LINGO2: variants seen among roughly 807,000 people sequenced by gnomAD.
LINGO2 encodes leucine rich repeat and Ig domain containing 2.
A neutral mutation model predicts 30.6 loss-of-function variants in LINGO2; 14 were observed. The ratio of observed to expected loss-of-function variants is 0.46; its 90% CI spans 0.30 to 0.72. LINGO2 has a LOEUF of 0.72. Among genes scored for constraint, LINGO2 ranks in the 30% least tolerant of loss-of-function variants. The pLI is 0.07. For synonymous variants in LINGO2, 317 were observed against 288.5 expected (o/e 1.10, Z -1.00); for missense variants, 729 against 751.7 (o/e 0.97, Z 0.35).
chr9:28,600,766 C>G (rs1405675764), intron 1 of LINGO2, among the ~76,000 whole-genome samples: 1 of 151,990 alleles, frequency 6.6e-6, no homozygotes, highest in Non-Finnish European at 1.5e-5. Context: ...GCCTTTTGAA[C>G]TGCATAGAGG....
the LINGO2 span, among the ~76,000 whole-genome samples, chr9:28,693,682 G>T: frequency 6.6e-6 from 1 of 152,064 alleles, no homozygotes; most frequent in South Asian, 2.1e-4. Context: ...TCAAAGTACA[G>T]CTCTGAAATG....
chr9:28,640,219 G>C lies in LINGO2; in HGVS notation c.-365+29981C>G, dbSNP rs562880021. The stretch of plus-strand genomic sequence containing the variant: ...TTAGTCTGATGGACTTTCCTTTGTG[G>C]GTAACCCGACCTTTCTCTGTGGCTG... On this transcript the variant is annotated intron_variant, in intron 1 of 5. Transcript: ENST00000379992. Among the ~76,000 whole-genome samples, 57 of 152,026 alleles carry C rather than the reference G, an allele frequency of 3.7e-4. No homozygotes were observed. In the Middle Eastern group the frequency reaches 0.01, roughly 27 times the overall value.
chr9:28,883,092 T>TA, the LINGO2 span, among the ~76,000 whole-genome samples: 1 of 152,206 alleles, frequency 6.6e-6, no homozygotes, highest in African/African-American at 2.4e-5. Flanking sequence ...CACAAGATTA[T>TA]AGATGATTTG....
chr9:28,078,789 A>C (rs913610395), intron 4 of LINGO2, among the ~76,000 whole-genome samples: 1 of 147,980 alleles, frequency 6.8e-6, no homozygotes, highest in Non-Finnish European at 1.5e-5. Context: ...CAGAGGTGGC[A>C]GTGAGCCAAG....
chr9:29,082,995 C>G, the LINGO2 span, among the ~76,000 whole-genome samples: 1 of 152,236 alleles, frequency 6.6e-6, no homozygotes, highest in Admixed American at 6.5e-5. Flanking sequence ...GGACTGTAAA[C>G]TGGTTCAACC....
At chr9:28,968,500 T>A in the LINGO2 span, among the ~76,000 whole-genome samples, 1 of 152,174 alleles carries the variant, frequency 6.6e-6, no homozygotes, top group African/African-American at 2.4e-5. Context: ...ACTTACAATA[T>A]TAGAAGCTAC....
At chr9:28,989,597 T>C in the LINGO2 span, among the ~76,000 whole-genome samples, 2 of 152,176 alleles carry the variant, frequency 1.3e-5, no homozygotes, top group East Asian at 3.8e-4. Flanking sequence ...TGTTACAGAC[T>C]CACCCACTGC....
chr9:28,924,407 G>A, the LINGO2 span, among the ~76,000 whole-genome samples: 1 of 152,118 alleles, frequency 6.6e-6, no homozygotes, highest in South Asian at 2.1e-4. Context: ...TTTTTGTAGA[G>A]ACAGGATTTC....
chr9:28,719,400 C>T, the LINGO2 span, among the ~76,000 whole-genome samples: 2 of 151,970 alleles, frequency 1.3e-5, no homozygotes, highest in Admixed American at 6.6e-5. Context: ...TTCCCATTCA[C>T]TCCTCACACT....
chr9:29,207,534 T>G, the LINGO2 span, among the ~76,000 whole-genome samples: 1 of 152,154 alleles, frequency 6.6e-6, no homozygotes, highest in Admixed American at 6.5e-5. Flanking sequence ...TTGCACATAT[T>G]TCTGTTACAC....
chr9:29,128,392 C>A, the LINGO2 span, among the ~76,000 whole-genome samples: 1 of 152,140 alleles, frequency 6.6e-6, no homozygotes, highest in Non-Finnish European at 1.5e-5. Context: ...CATCCTCAAC[C>A]ACTGGAATCA....
At chr9:29,150,251 G>A in the LINGO2 span, among the ~76,000 whole-genome samples, 1 of 152,140 alleles carries the variant, frequency 6.6e-6, no homozygotes, top group Non-Finnish European at 1.5e-5. Flanking sequence ...CCCTCCGAAA[G>A]TACCCAGAAA....
the LINGO2 span, among the ~76,000 whole-genome samples, chr9:28,827,288 T>C: frequency 5.9e-5 from 9 of 152,318 alleles, no homozygotes; most frequent in Non-Finnish European, 1.2e-4. Context: ...ATTTTTGAGA[T>C]GGCTCTAATT....
chr9:29,166,919 G>A, the LINGO2 span, among the ~76,000 whole-genome samples: 1 of 152,046 alleles, frequency 6.6e-6, no homozygotes, highest in African/African-American at 2.4e-5. Context: ...AGCAGGCAGA[G>A]AGAATTCCCA....
intron 1 of LINGO2, among the ~76,000 whole-genome samples, chr9:28,632,734 A>C (rs891875422): frequency 1.5e-5 from 2 of 135,534 alleles, no homozygotes; most frequent in African/African-American, 5.6e-5. Flanking sequence ...ATATAGATCT[A>C]TATATTTATA....
At chr9:28,840,201 C>T in the LINGO2 span, among the ~76,000 whole-genome samples, 6 of 151,814 alleles carry the variant, frequency 4.0e-5, no homozygotes, top group Non-Finnish European at 8.8e-5. Context: ...TGGCTGCACC[C>T]AGGACGGTGG....
chr9:28,237,492 CAA>C lies in LINGO2; in HGVS notation c.-87+57714_-87+57715del, dbSNP rs1564065971. On this transcript the variant is annotated intron_variant, in intron 4 of 5. Coordinates refer to ENST00000379992, the Ensembl canonical transcript of LINGO2. ...ATGTAAAGAAACCAAACTCTCCAAT[CAA>C]AAAAGATAGATTGGCTGAATGGATT... 7.9e-5 allele frequency among the ~76,000 whole-genome samples: 12 copies of C among 152,108 alleles called. 1 individual carries two copies. In the South Asian group the frequency reaches 2.5e-3, roughly 32 times the overall value.
At chr9:29,185,415 C>T in the LINGO2 span, among the ~76,000 whole-genome samples, 1 of 152,086 alleles carries the variant, frequency 6.6e-6, no homozygotes, top group African/African-American at 2.4e-5. Flanking sequence ...ATTCCATCTG[C>T]CACATATGCC....
intron 4 of LINGO2, among the ~76,000 whole-genome samples, chr9:28,061,199 T>C (rs962099890): frequency 4.0e-5 from 6 of 149,316 alleles, no homozygotes; most frequent in Non-Finnish European, 7.4e-5. Context: ...GCATCTAGTA[T>C]GTTTCTTAAT....
Sources: gnomAD v4.1 joint callset for allele counts (sites outside exome capture counted in the v4.1 genomes callset) on GRCh38, gnomAD v4.1.1 for gene constraint, MANE v1.5 for transcripts, NCBI Gene and HGNC (gene_info 2026-07-23, HGNC 2026-07-21) for gene names.